SPEF2: variants seen among roughly 807,000 people sequenced by gnomAD.
The protein encoded by SPEF2 is sperm flagella and cilia-associated protein 2.
Under a neutral mutation model 224.6 loss-of-function variants are expected in SPEF2, and 187 were observed. The ratio of observed to expected loss-of-function variants is 0.83; its 90% confidence interval spans 0.74 to 0.94. The LOEUF (loss-of-function observed/expected upper bound fraction) is 0.94. Among genes scored for constraint, SPEF2 ranks in the 40% least tolerant of loss-of-function variants. SPEF2 has a pLI of 0.00. For synonymous variants in SPEF2, 715 were observed against 707.3 expected, an observed-to-expected ratio of 1.01 and a Z score of -0.17; for missense variants, 2,170 against 2,135.6, an observed-to-expected ratio of 1.02 and a Z score of -0.32.
At chr5:35,729,501 AT>A (rs1344903755) in intron 21 of SPEF2, among the ~76,000 whole-genome samples, 1 of 152,094 alleles carries the variant, frequency 6.6e-6, no homozygotes, top group African/African-American at 2.4e-5. Flanking sequence ...ACTAAGCAAG[AT>A]GAAGGAAACT....
chr5:35,752,595 C>T (rs1278406614), intron 23 of SPEF2, among the ~76,000 whole-genome samples: 2 of 152,224 alleles, frequency 1.3e-5, no homozygotes, highest in African/African-American at 4.8e-5. Flanking sequence ...CTGTGCCTGG[C>T]CTCAGTGAAT....
chr5:35,694,275 T>TTTC lies in SPEF2; in HGVS notation c.1900-11_1900-9dup, dbSNP rs1754964240. 6.2e-7 allele frequency: 1 copy of TTTC among 1,611,838 alleles called. No individual in the cohort carries two copies. The highest frequency in any genetic ancestry group is 8.5e-7 in the Non-Finnish European group (1 of 1,178,548). On this transcript the variant is annotated splice_polypyrimidine_tract_variant and intron_variant, in intron 12 of 36. Transcript: ENST00000356031. ...TGGTAAAATCCCTCCCTATGTGTGT[T>TTTC]TTCTCTCCAAAGGATCCACAACATG...
intron 16 of SPEF2, among the ~76,000 whole-genome samples, chr5:35,704,337 T>A (rs1739315325): frequency 6.6e-6 from 1 of 152,116 alleles, no homozygotes; most frequent in South Asian, 2.1e-4. Context: ...AAACTACAGC[T>A]TCTCTTTAAT....
chr5:35,778,378 G>C (rs1157944508), intron 29 of SPEF2, among the ~76,000 whole-genome samples: 1 of 152,166 alleles, frequency 6.6e-6, no homozygotes, highest in Non-Finnish European at 1.5e-5. Context: ...GTGTTGCGTT[G>C]TTGATTCCAT....
At position 35,618,674 on chromosome 5, in the gene SPEF2, A is replaced by G. The variant is rs567132897; in HGVS notation, c.58+619A>G. Among the ~76,000 whole-genome samples the G allele has an allele frequency of 2.6e-5, 4 of 152,260 alleles. No homozygotes were observed. The East Asian group carries it at 7.7e-4, about 29-fold the overall frequency. ...TTTAGTAAATTTTAAGCCCCAAATCACAAACTAGCTATTTCTGGTCACTAT... is the reference window on the plus strand; with the variant it reads ...TTTAGTAAATTTTAAGCCCCAAATCGCAAACTAGCTATTTCTGGTCACTAT... On this transcript the variant is annotated intron_variant, in intron 1 of 36. Transcript: ENST00000356031.
rs546835810 is a variant in SPEF2 at position 35,727,140 on chromosome 5, G to A, written c.2915-535G>A. 4.6e-5 allele frequency among the ~76,000 whole-genome samples: 7 copies of A among 152,076 alleles called. No individual in the cohort carries two copies. The South Asian group carries it at 1.2e-3, about 27-fold the overall frequency. Reference sequence around the variant, plus strand: ...AGAAATATAATTTCCCCACAGAAACGCTGTGTCATGTGCAGAGAATGTTCA... The same window carrying A: ...AGAAATATAATTTCCCCACAGAAACACTGTGTCATGTGCAGAGAATGTTCA... On this transcript the variant is annotated intron_variant, in intron 20 of 36. Transcript: ENST00000356031.
chr5:35,626,880 T>C (rs1006490117), intron 1 of SPEF2, among the ~76,000 whole-genome samples: 1 of 152,144 alleles, frequency 6.6e-6, no homozygotes, highest in Non-Finnish European at 1.5e-5. Flanking sequence ...GTGGCTGTTA[T>C]GGAGCAACTT....
chr5:35,638,447 T>C (rs965430604), intron 2 of SPEF2, among the ~76,000 whole-genome samples: 1 of 152,180 alleles, frequency 6.6e-6, no homozygotes, highest in Admixed American at 6.5e-5. Context: ...ACACATCGTA[T>C]GTTTTTGTTA....
intron 20 of SPEF2, among the ~76,000 whole-genome samples, chr5:35,718,205 G>T (rs1384947760): frequency 6.6e-6 from 1 of 152,278 alleles, no homozygotes; most frequent in African/African-American, 2.4e-5. Flanking sequence ...AGGCTTCTGG[G>T]TTCCCTTCCC....
At position 35,654,596 on chromosome 5, in the gene SPEF2, C is replaced by T. The variant is rs763376364; in HGVS notation, c.848C>T (p.Thr283Ile). The T allele has an allele frequency of 1.2e-6, 2 of 1,612,900 alleles. No individual in the cohort carries two copies. Among genetic ancestry groups the T allele is most frequent in the Non-Finnish European group, 8.5e-7 (1 of 1,179,680 alleles). ...CAGACAACCACCGATTTGTTAAATA[C>T]TTACTCAGATGACGAGTACATTAAA... ...AGQTTTDLLN[T>I]YSDDEYIKKI... Residue 283 changes from threonine to isoleucine, a missense_variant, in exon 7 of 37, where the codon ACT becomes ATT. Thr to Ile is a moderately conservative substitution (Grantham distance 89). Coordinates refer to ENST00000356031, the MANE Select transcript of SPEF2 (RefSeq NM_024867.4).
At chr5:35,712,914 A>C (rs750659439) in intron 20 of SPEF2, 28 bp downstream of exon 20, 3 of 1,587,396 alleles carry the variant, frequency 1.9e-6, no homozygotes, top group East Asian at 4.5e-5. Context: ...ATATATAATT[A>C]CATGTAATTC....
rs116049841 is a variant in SPEF2 at position 35,695,847 on chromosome 5, A to G, written c.2037+51A>G. The G allele has an allele frequency of 1.7e-3, 2,417 of 1,403,466 alleles. 27 individuals carry two copies. The African/African-American group carries it at 0.031, about 18-fold the overall frequency. The allele number at this position is 1,403,466 out of a possible 1,614,324, so 86.9% of individuals were successfully genotyped here. On this transcript the variant is annotated intron_variant, in intron 14 of 36. Coordinates refer to ENST00000356031, the MANE Select transcript of SPEF2 (RefSeq NM_024867.4). ...TACTAACATATTAAAACCTGTCATG[A>G]TTAATGGTGTTTTGGAGTGTCTTCG...
Position 35,805,405 on chromosome 5 carries a change from A to G in SPEF2, c.5011-1302A>G, listed in dbSNP as rs550503486. On this transcript the variant is annotated intron_variant, in intron 34 of 36. Transcript: ENST00000356031. ...GCATCATAATCCTTCCATACATGAG[A>G]TTTACATGACTATTTAGAAAGAGGT... 5.3e-5 allele frequency among the ~76,000 whole-genome samples: 8 copies of G among 152,244 alleles called. No individual in the cohort carries two copies. In the South Asian group the frequency reaches 1.5e-3, roughly 28 times the overall value.
At chr5:35,706,659 TG>T (rs1363648765) in intron 18 of SPEF2, among the ~76,000 whole-genome samples, 1 of 152,122 alleles carries the variant, frequency 6.6e-6, no homozygotes, top group African/African-American at 2.4e-5. Flanking sequence ...TACTGTCTCC[TG>T]TCGCTAAATT....
rs189033619 is a variant in SPEF2 at position 35,755,696 on chromosome 5, G to A, written c.3468+1935G>A. On this transcript the variant is annotated intron_variant, in intron 24 of 36. Transcript: ENST00000356031. ...GCGATCTCACCTCACTGCAACCTCTGCCTCCCAGATTCAAGCAATTCTCCT... is the reference window on the plus strand; with the variant it reads ...GCGATCTCACCTCACTGCAACCTCTACCTCCCAGATTCAAGCAATTCTCCT... 8.5e-5 allele frequency among the ~76,000 whole-genome samples: 13 copies of A among 152,176 alleles called. No individual in the cohort carries two copies. The East Asian group carries it at 2.3e-3, about 27-fold the overall frequency.
chr5:35,777,822 G>C (rs981022347), intron 29 of SPEF2, among the ~76,000 whole-genome samples: 1 of 152,052 alleles, frequency 6.6e-6, no homozygotes, highest in Non-Finnish European at 1.5e-5. Context: ...GCGCGCATCT[G>C]TTTTAGTATC....
At chr5:35,748,272 C>T (rs1748871750) in intron 23 of SPEF2, among the ~76,000 whole-genome samples, 1 of 151,560 alleles carries the variant, frequency 6.6e-6, no homozygotes, top group Non-Finnish European at 1.5e-5. Flanking sequence ...CCTCAAGGAA[C>T]TAGAAAAACA....
At chr5:35,699,575 C>G (rs1738157789) in intron 15 of SPEF2, 1 of 152,078 alleles carries the variant, frequency 6.6e-6, no homozygotes, top group Non-Finnish European at 1.5e-5. Flanking sequence ...GATACTATGA[C>G]TCTACACAGG....
chr5:35,773,391 C>T (rs1753143835), intron 27 of SPEF2, among the ~76,000 whole-genome samples: 1 of 152,010 alleles, frequency 6.6e-6, no homozygotes, highest in African/African-American at 2.4e-5. Flanking sequence ...AAATAATAAT[C>T]ATATTTAAAG....
Sources: gnomAD v4.1 joint callset for allele counts (sites outside exome capture counted in the v4.1 genomes callset) on GRCh38, gnomAD v4.1.1 for gene constraint, MANE v1.5 for transcripts, NCBI Gene and HGNC (gene_info 2026-07-23, HGNC 2026-07-21) for gene names.